Variants in PLXNA4 observed in about 807,000 individuals in gnomAD.
PLXNA4 encodes the protein plexin A4.
In PLXNA4, 44 loss-of-function variants were observed where a neutral mutation model predicts 191.8. That is an observed-to-expected ratio of 0.23 (90% CI 0.18 to 0.29). The LOEUF is 0.29. Ranked by LOEUF, PLXNA4 falls within the 10% of genes least tolerant of loss-of-function variation. The pLI, the probability that PLXNA4 is intolerant of heterozygous loss-of-function variation, is 1.00. For synonymous variants in PLXNA4, 1,082 were observed against 1,009.5 expected (o/e 1.07, Z -1.36); for missense variants, 1,800 against 2,488.8 (o/e 0.72, Z 5.89).
intron 4 of PLXNA4, among the ~76,000 whole-genome samples, chr7:132,274,049 G>A (rs990128129): frequency 4.6e-5 from 7 of 151,956 alleles, no homozygotes; most frequent in East Asian, 3.9e-4. Context: ...TAAAAGCACC[G>A]TGTTGAGTGA....
intron 3 of PLXNA4, among the ~76,000 whole-genome samples, chr7:132,434,270 C>T (rs531973956): frequency 5.3e-5 from 8 of 152,298 alleles, no homozygotes; most frequent in Admixed American, 2.6e-4. Flanking sequence ...ACCCAGCTCC[C>T]GGTTCCATGG....
At chr7:132,343,822 C>T (rs577306729) in intron 3 of PLXNA4, among the ~76,000 whole-genome samples, 5 of 152,260 alleles carry the variant, frequency 3.3e-5, no homozygotes, top group Admixed American at 6.5e-5. Flanking sequence ...GAGGCTGAGG[C>T]ATGAGAATTG....
At chr7:132,239,188 G>C (rs1430983211) in intron 5 of PLXNA4, among the ~76,000 whole-genome samples, 1 of 152,188 alleles carries the variant, frequency 6.6e-6, no homozygotes, top group African/African-American at 2.4e-5. Context: ...CAGGAGGCAG[G>C]TATGATGTTA....
rs1026035259 is a variant in PLXNA4 at position 132,160,510 on chromosome 7, C to T, written c.4501-878G>A. Among the ~76,000 whole-genome samples, 4 of 152,128 alleles carry T rather than the reference C, an allele frequency of 2.6e-5. No individual in the cohort carries two copies. In the South Asian group the frequency reaches 6.2e-4, roughly 24 times the overall value. The stretch of plus-strand genomic sequence containing the variant: ...TTCTCACAGTGGGATCTTTCTACAT[C>T]GACGGCACCGTGTGGGCTCCTGGGT... On this transcript the variant is annotated intron_variant, in intron 24 of 31. Coordinates refer to ENST00000321063, the MANE Select transcript of PLXNA4 (RefSeq NM_020911.2).
At chr7:132,606,975 G>T (rs553632575) in intron 2 of PLXNA4, among the ~76,000 whole-genome samples, 16 of 152,160 alleles carry the variant, frequency 1.1e-4, no homozygotes, top group Non-Finnish European at 2.1e-4. Context: ...CACACCTATG[G>T]TCAAGCATAA....
chr7:132,574,800 G>A (rs1436191208), intron 1 of PLXNA4, among the ~76,000 whole-genome samples: 2 of 152,116 alleles, frequency 1.3e-5, no homozygotes, highest in East Asian at 1.9e-4. Context: ...GCGGAGTCAG[G>A]GTGCTGAAAA....
At chr7:132,588,233 G>A (rs1370233650) in intron 2 of PLXNA4, among the ~76,000 whole-genome samples, 1 of 152,090 alleles carries the variant, frequency 6.6e-6, no homozygotes, top group African/African-American at 2.4e-5. Context: ...TAACTACACT[G>A]TGGACATTCT....
chr7:132,148,741 A>G (rs1562883458), intron 25 of PLXNA4, 95 bp from the exon 26 acceptor site: 7 of 1,556,146 alleles, frequency 4.5e-6, no homozygotes, highest in Non-Finnish European at 6.1e-6. Flanking sequence ...GTGCTAGCTC[A>G]AGGGTGTGTC....
At chr7:132,614,854 A>T (rs1012011724) in intron 2 of PLXNA4, among the ~76,000 whole-genome samples, 11 of 152,194 alleles carry the variant, frequency 7.2e-5, no homozygotes, top group Non-Finnish European at 1.3e-4. Context: ...AGAAAGAGGA[A>T]GCAGATGTGC....
At chr7:132,476,731 A>T (rs1797144251) in intron 3 of PLXNA4, among the ~76,000 whole-genome samples, 1 of 152,228 alleles carries the variant, frequency 6.6e-6, no homozygotes, top group African/African-American at 2.4e-5. Flanking sequence ...AGGGAAAATT[A>T]ATTTGGAAAC....
In PLXNA4 at chr7:132,316,502, T is replaced by C. The variant is rs1004697052; in HGVS notation, c.1372-18280A>G. Among the ~76,000 whole-genome samples, 4 of 152,186 alleles carry C rather than the reference T, an allele frequency of 2.6e-5. No homozygotes were observed. In the East Asian group the frequency reaches 5.8e-4, roughly 22 times the overall value. On this transcript the variant is annotated intron_variant, in intron 3 of 31. Coordinates refer to ENST00000321063, the MANE Select transcript of PLXNA4 (RefSeq NM_020911.2). Reference sequence around the variant, plus strand: ...ACTTCCAGGCTAAGATTTTAAAACATAGATTTAACCCTAGCCTATAAAGTA... The same window carrying C: ...ACTTCCAGGCTAAGATTTTAAAACACAGATTTAACCCTAGCCTATAAAGTA...
intron 3 of PLXNA4, among the ~76,000 whole-genome samples, chr7:132,329,164 C>G (rs528069346): frequency 2.6e-5 from 4 of 152,172 alleles, no homozygotes; most frequent in Non-Finnish European, 5.9e-5. Context: ...CCAAAGGACA[C>G]CTTTTTGTCG....
At chr7:132,351,014 T>G (rs1335914950) in intron 3 of PLXNA4, among the ~76,000 whole-genome samples, 3 of 152,228 alleles carry the variant, frequency 2.0e-5, no homozygotes, top group Non-Finnish European at 2.9e-5. Context: ...AGCATTATGC[T>G]GAGTAAGAAA....
intron 3 of PLXNA4, among the ~76,000 whole-genome samples, chr7:132,331,261 C>T (rs187459481): frequency 5.3e-5 from 8 of 152,378 alleles, no homozygotes; most frequent in Admixed American, 5.2e-4. Flanking sequence ...GGAGCATCTC[C>T]CTGCCTTGGC....
chr7:132,264,796 C>A (rs987553619), intron 4 of PLXNA4, among the ~76,000 whole-genome samples: 1 of 151,308 alleles, frequency 6.6e-6, no homozygotes, highest in African/African-American at 2.4e-5. Context: ...CTCCTGGGCT[C>A]AAGTGATCCT....
At chr7:132,258,899 T>C (rs943150670) in intron 4 of PLXNA4, among the ~76,000 whole-genome samples, 1 of 152,188 alleles carries the variant, frequency 6.6e-6, no homozygotes, top group African/African-American at 2.4e-5. Flanking sequence ...TACATCCAAT[T>C]TGAAGAAAAA....
At chr7:132,423,231 C>T (rs1385048196) in intron 3 of PLXNA4, among the ~76,000 whole-genome samples, 1 of 152,236 alleles carries the variant, frequency 6.6e-6, no homozygotes, top group East Asian at 1.9e-4. Context: ...TCATCTTTCA[C>T]TTTTACATCA....
At chr7:132,509,924 T>A (rs997067868) in intron 1 of PLXNA4, among the ~76,000 whole-genome samples, 2 of 152,220 alleles carry the variant, frequency 1.3e-5, no homozygotes, top group Non-Finnish European at 2.9e-5. Flanking sequence ...AGATCTTGGC[T>A]TCCTCCCCTA....
intron 25 of PLXNA4, among the ~76,000 whole-genome samples, chr7:132,150,493 G>A (rs1173003766): frequency 6.6e-6 from 1 of 152,156 alleles, no homozygotes; most frequent in Non-Finnish European, 1.5e-5. Context: ...AGGCTACATA[G>A]GGGTGGAGGA....
Sources: allele counts gnomAD v4.1 joint callset (sites outside exome capture counted in the v4.1 genomes callset), GRCh38; gene constraint gnomAD v4.1.1; transcripts MANE v1.5; gene names NCBI Gene and HGNC (gene_info 2026-07-23, HGNC 2026-07-21).